The following SLC24A2 variants were observed in gnomAD, a reference collection of about 807,000 sequenced individuals.
SLC24A2 encodes the protein sodium/potassium/calcium exchanger 2.
A neutral mutation model predicts 62.0 loss-of-function variants in SLC24A2; 36 were observed. The ratio of observed to expected loss-of-function variants is 0.58; its 90% CI spans 0.44 to 0.77. SLC24A2 has a LOEUF of 0.77. SLC24A2 is among the 30% of genes least tolerant of loss of function. SLC24A2 has a pLI of 0.00. For synonymous variants in SLC24A2, 358 were observed against 294.0 expected (o/e 1.22, Z -2.23); for missense variants, 846 against 817.9 (o/e 1.03, Z -0.42).
At chr9:19,836,355 A>G in the SLC24A2 span, among the ~76,000 whole-genome samples, 1 of 152,174 alleles carries the variant, frequency 6.6e-6, no homozygotes, top group Admixed American at 6.5e-5. Context: ...AAGAAAAGAG[A>G]GAAGAATTAA....
the SLC24A2 span, among the ~76,000 whole-genome samples, chr9:19,899,444 C>T: frequency 1.3e-5 from 2 of 152,134 alleles, no homozygotes; most frequent in Non-Finnish European, 1.5e-5. Flanking sequence ...TGCTGGGGCT[C>T]AAGCCAAAGT....
At chr9:19,884,623 T>C in the SLC24A2 span, among the ~76,000 whole-genome samples, 3 of 152,208 alleles carry the variant, frequency 2.0e-5, no homozygotes, top group Admixed American at 6.5e-5. Flanking sequence ...GTTCCTGGCT[T>C]ACAATGGTTC....
At chr9:20,085,643 C>T in the SLC24A2 span, among the ~76,000 whole-genome samples, 1 of 152,108 alleles carries the variant, frequency 6.6e-6, no homozygotes, top group African/African-American at 2.4e-5. Context: ...ACTGTTACAG[C>T]TAGTAAATGG....
chr9:20,205,512 G>T, the SLC24A2 span, among the ~76,000 whole-genome samples: 5 of 151,738 alleles, frequency 3.3e-5, no homozygotes, highest in African/African-American at 7.3e-5. Flanking sequence ...TTAACCAGTC[G>T]TGGTGGCAGG....
At chr9:19,673,444 C>CGTGTGCGT (rs1819476170) in intron 2 of SLC24A2, among the ~76,000 whole-genome samples, 1 of 129,794 alleles carries the variant, frequency 7.7e-6, no homozygotes. Flanking sequence ...TGTGTGTGTG[C>CGTGTGCGT]GTGTGTGTGT....
chr9:19,569,272 G>T (rs1835769338), intron 7 of SLC24A2, among the ~76,000 whole-genome samples: 1 of 152,182 alleles, frequency 6.6e-6, no homozygotes, highest in Admixed American at 6.5e-5. Context: ...ACAGGCTGCA[G>T]GCCAGATTTG....
chr9:19,991,213 G>A, the SLC24A2 span, among the ~76,000 whole-genome samples: 2 of 152,198 alleles, frequency 1.3e-5, no homozygotes, highest in South Asian at 4.1e-4. Context: ...GCAGCCTTCA[G>A]TCTGTGGCTG....
chr9:19,529,031 G>T (rs1833566137), intron 8 of SLC24A2, among the ~76,000 whole-genome samples: 1 of 152,164 alleles, frequency 6.6e-6, no homozygotes, highest in Admixed American at 6.5e-5. Context: ...CACTGTAGTG[G>T]TGTTCTTTTG....
chr9:19,555,973 A>T (rs1017120916), intron 7 of SLC24A2, among the ~76,000 whole-genome samples: 1 of 152,172 alleles, frequency 6.6e-6, no homozygotes, highest in Non-Finnish European at 1.5e-5. Context: ...GAGAATATAC[A>T]TGTTATTCTA....
intron 2 of SLC24A2, among the ~76,000 whole-genome samples, chr9:19,694,340 T>C (rs1047630550): frequency 2.0e-5 from 3 of 152,198 alleles, no homozygotes; most frequent in South Asian, 2.1e-4. Flanking sequence ...ATTACATTTA[T>C]GTAAGTATTT....
chr9:20,266,201 T>A, the SLC24A2 span, among the ~76,000 whole-genome samples: 2 of 152,140 alleles, frequency 1.3e-5, no homozygotes, highest in African/African-American at 4.8e-5. Context: ...GTACACTCCC[T>A]CCCCTTTGAA....
chr9:19,636,392 T>C (rs1358446685), intron 2 of SLC24A2, among the ~76,000 whole-genome samples: 2 of 102,872 alleles, frequency 1.9e-5, no homozygotes, highest in African/African-American at 8.7e-5. Flanking sequence ...TCTTTCTCCC[T>C]CTCTCTCTCT....
chr9:20,029,991 G>A, the SLC24A2 span, among the ~76,000 whole-genome samples: 5 of 152,126 alleles, frequency 3.3e-5, no homozygotes, highest in Non-Finnish European at 7.3e-5. Flanking sequence ...TTTTGAAATG[G>A]CATCACAAAA....
the SLC24A2 span, among the ~76,000 whole-genome samples, chr9:19,816,250 G>T: frequency 6.6e-6 from 1 of 151,838 alleles, no homozygotes; most frequent in African/African-American, 2.4e-5. Context: ...TTTCTGTTTT[G>T]TTACTCCACT....
At chr9:20,030,022 C>T in the SLC24A2 span, among the ~76,000 whole-genome samples, 1 of 152,080 alleles carries the variant, frequency 6.6e-6, no homozygotes, top group African/African-American at 2.4e-5. Flanking sequence ...TGGAGGTGAA[C>T]TTTGATGGAG....
At chr9:19,714,412 G>A (rs954561607) in intron 2 of SLC24A2, among the ~76,000 whole-genome samples, 1 of 151,854 alleles carries the variant, frequency 6.6e-6, no homozygotes, top group Admixed American at 6.6e-5. Flanking sequence ...TCCCTTTCAG[G>A]GTTATCTTGA....
At chr9:20,072,629 T>C in the SLC24A2 span, among the ~76,000 whole-genome samples, 2 of 152,126 alleles carry the variant, frequency 1.3e-5, no homozygotes, top group African/African-American at 2.4e-5. Flanking sequence ...AAGATTATCC[T>C]AGATTATCTA....
At chr9:19,790,419 C>T (rs1823301126), upstream of SLC24A2, among the ~76,000 whole-genome samples, 1 of 150,808 alleles carries the variant, frequency 6.6e-6, no homozygotes, top group African/African-American at 2.4e-5. Flanking sequence ...ATCATTTTAT[C>T]TGTAAATATT....
intron 7 of SLC24A2, among the ~76,000 whole-genome samples, chr9:19,568,411 A>G (rs1359178110): frequency 6.6e-6 from 1 of 152,204 alleles, no homozygotes; most frequent in African/African-American, 2.4e-5. Context: ...CAGCTCATAC[A>G]TGGTCTACCA....
Sources: allele counts gnomAD v4.1 joint callset (sites outside exome capture counted in the v4.1 genomes callset), GRCh38; gene constraint gnomAD v4.1.1; transcripts MANE v1.5; gene names NCBI Gene and HGNC (gene_info 2026-07-23, HGNC 2026-07-21).